The following NKAP variants were observed in gnomAD, a reference collection of about 807,000 sequenced individuals.
NKAP encodes NF-kappa-B-activating protein.
Under a neutral mutation model 35.6 loss-of-function variants are expected in NKAP, and 4 were observed. That is an observed-to-expected ratio of 0.11 (90% CI 0.06 to 0.26). The LOEUF (loss-of-function observed/expected upper bound fraction) is 0.26, where lower values mean the gene tolerates loss of function less well. Among genes scored for constraint, NKAP ranks in the 10% least tolerant of loss-of-function variants. The pLI, the probability that NKAP is intolerant of heterozygous loss-of-function variation, is 1.00. For synonymous variants in NKAP, 106 were observed against 119.2 expected (o/e 0.89, Z 0.72); for missense variants, 238 against 321.9 (o/e 0.74, Z 1.99).
At chrX:119,942,701 C>T (rs1042921907) in intron 1 of NKAP, 3 of 111,506 alleles carry the variant, frequency 2.7e-5, no homozygotes, top group African/African-American at 6.6e-5. Flanking sequence ...AACTTAAACC[C>T]TTGATTTCAT....
At chrX:119,938,034 T>A (rs1435978826) in intron 2 of NKAP, 1 of 112,107 alleles carries the variant, frequency 8.9e-6, no homozygotes, top group Non-Finnish European at 1.9e-5. Flanking sequence ...AGTCTGCAGA[T>A]AGTATTGGAT....
chrX:119,934,880 C>T (rs895811311), intron 4 of NKAP, among the ~76,000 whole-genome samples: 11 of 111,408 alleles, frequency 9.9e-5, no homozygotes, highest in Non-Finnish European at 1.9e-4. Context: ...TTGTAATTAA[C>T]TTTGACTATC....
chrX:119,922,048 TA>T lies in NKAP; in HGVS notation c.*3171del, dbSNP rs2056690307. ...TAGTAGAGATGGGGTTTCACCATGT[TA>T]GCCAGGATGGTCTTGATCTCCTGAC... is the stretch of plus-strand genomic sequence containing the variant. On this transcript the variant is annotated 3_prime_UTR_variant, in exon 9 of 9. Transcript: ENST00000371410. The T allele has an allele frequency of 9.0e-6, 1 of 111,132 alleles. No homozygotes were observed. Among genetic ancestry groups the T allele is most frequent in the African/African-American group, 3.3e-5 (1 of 30,610 alleles). 9.2% of individuals were successfully genotyped at this position (111,132 alleles called of 1,213,427 possible). A position where few individuals can be genotyped will look rare whatever the true frequency, so the allele number is the denominator to read the frequency against.
rs755030689 is a variant in NKAP at position 119,939,728 on chromosome X, G to A, written c.387-918C>T. Among the ~76,000 whole-genome samples the A allele has an allele frequency of 2.3e-3, 247 of 106,890 alleles. 2 individuals are homozygous for A. Among genetic ancestry groups the A allele is most frequent in the African/African-American group, 7.8e-3 (229 of 29,535 alleles). 92.8% of individuals were successfully genotyped at this position (106,890 alleles called of 115,157 possible). A position where few individuals can be genotyped will look rare whatever the true frequency, so the allele number is the denominator to read the frequency against. On this transcript the variant is annotated intron_variant, in intron 1 of 8. Transcript: ENST00000371410. ...AGCCTGGCCAACATGGTGAAACCCC[G>A]TCTCTAGTAAAAATACAAAAATTAG...
At chrX:119,936,493 C>A (rs2056767170) in intron 3 of NKAP, 62 bp from the exon 4 acceptor site, 1 of 996,701 alleles carries the variant, frequency 1.0e-6, no homozygotes, top group East Asian at 3.3e-5. Flanking sequence ...TCAAAAGAAA[C>A]AGACGATGGG....
chrX:119,934,434 A>AAAAAAAC, intron 5 of NKAP, 60 bp downstream of exon 5: 1 of 528,451 alleles, frequency 1.9e-6, no homozygotes, highest in Non-Finnish European at 2.7e-6. Context: ...CTGTCTCAAA[A>AAAAAAAC]AAAAAAAAAA....
intron 5 of NKAP, 42 bp from the exon 6 acceptor site, chrX:119,932,258 T>C (rs1170031780): frequency 1.1e-6 from 1 of 948,306 alleles, no homozygotes; most frequent in Non-Finnish European, 1.5e-6. Context: ...TTAATCTTCC[T>C]ATGTTAGAGG....
At position 119,935,813 on chromosome X, in the gene NKAP, A is replaced by C. The variant is rs2056763668; in HGVS notation, c.673+484T>G. Among the ~76,000 whole-genome samples, 3 of 111,895 alleles carry C rather than the reference A, an allele frequency of 2.7e-5. No individual in the cohort carries two copies. The Admixed American group carries it at 2.9e-4, about 11-fold the overall frequency. On this transcript the variant is annotated intron_variant, in intron 4 of 8. Transcript: ENST00000371410. ...GATAGGGTGCCTTCCACAAATAGGC[A>C]GCCAGCATGAAGTAGGCACTTTATG...
intron 2 of NKAP, among the ~76,000 whole-genome samples, chrX:119,938,242 AT>A (rs1414832218): frequency 1.8e-5 from 2 of 110,520 alleles, no homozygotes; most frequent in Non-Finnish European, 3.8e-5. Context: ...TTAGCCGGGC[AT>A]GGTGGCAGGC....
intron 8 of NKAP, among the ~76,000 whole-genome samples, chrX:119,927,206 C>T (rs1021994631): frequency 9.2e-6 from 1 of 108,348 alleles, no homozygotes; most frequent in African/African-American, 3.3e-5. Flanking sequence ...ACCTCCGCCT[C>T]CCAGGTTCAA....
At chrX:119,930,483 G>C (rs5910708) in intron 7 of NKAP, among the ~76,000 whole-genome samples, 24,837 of 111,393 alleles carry the variant, frequency 0.22, 2,273 homozygotes, top group Middle Eastern at 0.34. Context: ...TGTCATTACT[G>C]GTTCTGGCTC....
At chrX:119,930,636 T>C (rs779563901) in intron 7 of NKAP, among the ~76,000 whole-genome samples, 4 of 110,358 alleles carry the variant, frequency 3.6e-5, no homozygotes, top group Admixed American at 2.0e-4. Context: ...CTGGCCAACA[T>C]AGCGAAACCC....
In NKAP at chrX:119,923,218, A is replaced by G; in HGVS notation, c.*2002T>C. 4.5e-5 allele frequency: 5 copies of G among 111,546 alleles called. No homozygotes were observed. The highest frequency in any genetic ancestry group is 9.4e-5 in the Non-Finnish European group (5 of 53,166). 9.2% of individuals were successfully genotyped at this position (111,546 alleles called of 1,213,427 possible). On this transcript the variant is annotated 3_prime_UTR_variant, in exon 9 of 9. Coordinates refer to ENST00000371410, the MANE Select transcript of NKAP (RefSeq NM_024528.4). ...AGAGTGAGACTCTATCTCAAAAAAC[A>G]AAAAACAGAAAACCAACCTTAATGA...
chrX:119,943,038 G>A (rs2056800907), intron 1 of NKAP, 182 bp downstream of exon 1: 3 of 559,981 alleles, frequency 5.4e-6, no homozygotes, highest in Non-Finnish European at 8.3e-6. Flanking sequence ...GGGGCCTGAG[G>A]GTAAGGGAAA....
intron 8 of NKAP, 83 bp from the exon 9 acceptor site, chrX:119,925,477 G>T: frequency 3.0e-6 from 3 of 996,792 alleles, no homozygotes; most frequent in Non-Finnish European, 1.3e-6. Context: ...TACCCAGAGT[G>T]GTCTATTTAA....
At position 119,937,674 on chromosome X, in the gene NKAP, A is replaced by C. The variant is rs1305890842; in HGVS notation, c.468-992T>G. ...GGGTTCCTTCCAACTCTAATTCAAT[A>C]CATTCAGGTTCTTCAAGTGTTTTCT... On this transcript the variant is annotated intron_variant, in intron 2 of 8. Coordinates refer to ENST00000371410, the MANE Select transcript of NKAP (RefSeq NM_024528.4). 2.7e-5 allele frequency: 3 copies of C among 109,126 alleles called. No homozygotes were observed. In the East Asian group the frequency reaches 8.5e-4, roughly 31 times the overall value. 9.0% of individuals were successfully genotyped at this position (109,126 alleles called of 1,213,427 possible).
intron 2 of NKAP, among the ~76,000 whole-genome samples, chrX:119,938,380 C>CA (rs397726900): frequency 8.7e-5 from 9 of 103,853 alleles, no homozygotes; most frequent in East Asian, 2.9e-4. Flanking sequence ...GACTCCATCT[C>CA]AAAAAAAAAA....
Position 119,925,355 on chromosome X carries a change from G to A in NKAP, c.1113C>T (p.Asn371=). The change falls in exon 9 of 9, where the codon AAC becomes AAT. Residue 371 remains asparagine, a synonymous_variant. Transcript: ENST00000371410. The stretch of plus-strand genomic sequence containing the variant: ...TCTTCTCATCAGCACTGTAGATCTG[G>A]TTCTCTTTTCGCAGTCGCACAGCCT... ...RMEAVRLRKE[N]QIYSADEKRA... is the part of the protein sequence containing the mutation. 8.3e-7 allele frequency: 1 copy of A among 1,207,748 alleles called. No homozygotes were observed. Among genetic ancestry groups the A allele is most frequent in the Non-Finnish European group, 1.1e-6 (1 of 894,645 alleles).
intron 1 of NKAP, among the ~76,000 whole-genome samples, chrX:119,940,825 T>C (rs1347514291): frequency 8.9e-6 from 1 of 111,896 alleles, no homozygotes; most frequent in African/African-American, 3.2e-5. Flanking sequence ...AGGCTGTAAA[T>C]AGCAGGAAGT....
Sources: gnomAD v4.1 joint callset for allele counts (sites outside exome capture counted in the v4.1 genomes callset) on GRCh38, gnomAD v4.1.1 for gene constraint, MANE v1.5 for transcripts, NCBI Gene and HGNC (gene_info 2026-07-23, HGNC 2026-07-21) for gene names.